SIRPD: variants seen among roughly 807,000 people sequenced by gnomAD.
SIRPD encodes signal-regulatory protein delta.
Under a neutral mutation model 18.0 loss-of-function variants are expected in SIRPD, and 21 were observed. The ratio of observed to expected loss-of-function variants is 1.17; its 90% CI spans 0.83 to 1.68. The LOEUF (loss-of-function observed/expected upper bound fraction) is 1.68, where lower values mean the gene tolerates loss of function less well. SIRPD is among the 40% of genes most tolerant of loss of function. The pLI is 0.00. For synonymous variants in SIRPD, 106 were observed against 92.9 expected (o/e 1.14, Z -0.81); for missense variants, 295 against 238.4 (o/e 1.24, Z -1.56).
intron 2 of SIRPD, among the ~76,000 whole-genome samples, chr20:1,550,109 T>G (rs1000203788): frequency 3.3e-5 from 5 of 152,214 alleles, no homozygotes; most frequent in African/African-American, 9.6e-5. Flanking sequence ...AGAGTCTACC[T>G]GGGTTCCAGT....
intron 2 of SIRPD, chr20:1,540,316 G>A: frequency 2.2e-6 from 1 of 456,046 alleles, no homozygotes; most frequent in South Asian, 1.5e-5. Context: ...CAGACTTCTG[G>A]CTTCTAGAAC....
intron 2 of SIRPD, among the ~76,000 whole-genome samples, chr20:1,545,971 G>A (rs1336276615): frequency 3.3e-5 from 5 of 152,190 alleles, no homozygotes. Context: ...AAAGATTGCT[G>A]CCTGCTCCTT....
Position 1,534,284 on chromosome 20 carries a change from G to T in SIRPD, c.*141C>A. On this transcript the variant is annotated 3_prime_UTR_variant, in exon 4 of 4. Coordinates refer to ENST00000381623, the MANE Select transcript of SIRPD (RefSeq NM_178460.3). ...AGGTAAATAGACAGATTTATTGTACGATCAAGCTGGCATTTTATGTCAGTG... is the reference window on the plus strand; with the variant it reads ...AGGTAAATAGACAGATTTATTGTACTATCAAGCTGGCATTTTATGTCAGTG... 1 of 1,144,166 alleles carries T rather than the reference G, an allele frequency of 8.7e-7. No individual in the cohort carries two copies. Among genetic ancestry groups the T allele is most frequent in the South Asian group, 1.4e-5 (1 of 72,410 alleles). The allele number at this position is 1,144,166 out of a possible 1,614,324, so 70.9% of individuals were successfully genotyped here. A position where few individuals can be genotyped will look rare whatever the true frequency, so the allele number is the denominator to read the frequency against.
chr20:1,547,676 A>G (rs1348408108), intron 2 of SIRPD, among the ~76,000 whole-genome samples: 1 of 152,214 alleles, frequency 6.6e-6, no homozygotes, highest in African/African-American at 2.4e-5. Flanking sequence ...CAATTTCTAC[A>G]AAAAAGTAGG....
chr20:1,537,296 G>A lies in SIRPD; in HGVS notation c.436C>T (p.Pro146Ser), dbSNP rs760681080. The A allele has an allele frequency of 1.2e-6, 2 of 1,613,882 alleles. No homozygotes were observed. Among genetic ancestry groups the A allele is most frequent in the African/African-American group, 1.3e-5 (1 of 74,912 alleles). ...QVFVTEQNPR[P>S]PKNRPAGRAG... ...CTGCCTGCAGGTCTGTTCTTGGGAG[G>A]TCTTGGATTCTGCTCTGCTGAGAGA... The change falls in exon 3 of 4, where the codon CCT becomes TCT. Residue 146 changes from proline to serine, a missense_variant. By Grantham distance (74) the Pro-to-Ser change is moderately conservative. Coordinates refer to ENST00000381623, the MANE Select transcript of SIRPD (RefSeq NM_178460.3).
At chr20:1,540,190 C>A in intron 2 of SIRPD, 1 of 427,320 alleles carries the variant, frequency 2.3e-6, no homozygotes, top group Non-Finnish European at 4.7e-6. Context: ...GCTGACAGGC[C>A]AGGGATGCTG....
chr20:1,557,474 T>G, intron 1 of SIRPD, 107 bp downstream of exon 1: 1 of 1,003,042 alleles, frequency 1.0e-6, no homozygotes, highest in Non-Finnish European at 1.4e-6. Context: ...TGGGATAAGA[T>G]GGAGAAAACC....
At chr20:1,540,217 C>T (rs2090964795) in intron 2 of SIRPD, 2 of 440,132 alleles carry the variant, frequency 4.5e-6, no homozygotes, top group South Asian at 3.2e-5. Flanking sequence ...AACCAGAAGC[C>T]AAAAGAGAAA....
chr20:1,554,286 C>T (rs1462684596), intron 1 of SIRPD: 1 of 152,598 alleles, frequency 6.6e-6, no homozygotes, highest in African/African-American at 2.4e-5. Flanking sequence ...AACTCTTCTT[C>T]TGGAGTTCCT....
Position 1,534,253 on chromosome 20 carries a change from G to A in SIRPD, c.*172C>T. The A allele has an allele frequency of 3.6e-6, 3 of 838,782 alleles. No homozygotes were observed. The highest frequency in any genetic ancestry group is 5.6e-6 in the Non-Finnish European group (3 of 537,490). The allele number at this position is 838,782 out of a possible 1,614,324, so 52.0% of individuals were successfully genotyped here. ...GAAACAGAAGAGAGAACCTGGAATTGGACCCAGGTAAATAGACAGATTTAT... is the reference window on the plus strand; with the variant it reads ...GAAACAGAAGAGAGAACCTGGAATTAGACCCAGGTAAATAGACAGATTTAT... On this transcript the variant is annotated 3_prime_UTR_variant, in exon 4 of 4. Coordinates refer to ENST00000381623, the MANE Select transcript of SIRPD (RefSeq NM_178460.3).
chr20:1,553,082 A>G (rs1210415454), intron 1 of SIRPD, among the ~76,000 whole-genome samples: 1 of 152,232 alleles, frequency 6.6e-6, no homozygotes. Flanking sequence ...GGGGCTGGGC[A>G]TGGAAGTCTC....
chr20:1,552,806 G>T (rs528991772), intron 1 of SIRPD, among the ~76,000 whole-genome samples: 2 of 152,224 alleles, frequency 1.3e-5, no homozygotes, highest in East Asian at 3.9e-4. Context: ...GGAACTCCTG[G>T]CTGGCAGGGC....
At position 1,551,960 on chromosome 20, in the gene SIRPD, C is replaced by A. The variant is rs569155821; in HGVS notation, c.152G>T (p.Cys51Phe). The A allele has an allele frequency of 2.5e-6, 4 of 1,614,050 alleles. No individual in the cohort carries two copies. Among genetic ancestry groups the A allele is most frequent in the East Asian group, 2.2e-5 (1 of 44,874 alleles). Residue 51 changes from cysteine to phenylalanine, a missense_variant, in exon 2 of 4, where the codon TGC becomes TTC. Coordinates refer to ENST00000381623, the MANE Select transcript of SIRPD (RefSeq NM_178460.3). ...VSTGESIILSCSVPNTLPNGP... is the reference protein window; with the variant it reads ...VSTGESIILSFSVPNTLPNGP... ...ATTTGGTAAGGTATTGGGTACGCTG[C>A]AACTCAAGATGATTGACTCCCCAGT...
intron 1 of SIRPD, among the ~76,000 whole-genome samples, chr20:1,552,779 G>C (rs893165820): frequency 3.3e-5 from 5 of 152,122 alleles, no homozygotes; most frequent in Non-Finnish European, 5.9e-5. Flanking sequence ...TGCCTAAGGA[G>C]CAGGTTAGAG....
intron 2 of SIRPD, among the ~76,000 whole-genome samples, chr20:1,543,169 C>T (rs1600065997): frequency 6.6e-6 from 1 of 152,162 alleles, no homozygotes. Context: ...GGAGGAGTCC[C>T]TCTTTTTCTA....
chr20:1,534,261 G>A lies in SIRPD; in HGVS notation c.*164C>T. On this transcript the variant is annotated 3_prime_UTR_variant, in exon 4 of 4. Transcript: ENST00000381623. ...AGAGAGAACCTGGAATTGGACCCAG[G>A]TAAATAGACAGATTTATTGTACGAT... 1.1e-6 allele frequency: 1 copy of A among 947,772 alleles called. No individual in the cohort carries two copies. Among genetic ancestry groups the A allele is most frequent in the Non-Finnish European group, 1.6e-6 (1 of 625,722 alleles). 58.7% of individuals were successfully genotyped at this position (947,772 alleles called of 1,614,324 possible).
chr20:1,534,367 G>T lies in SIRPD; in HGVS notation c.*58C>A, dbSNP rs567117130. On this transcript the variant is annotated 3_prime_UTR_variant, in exon 4 of 4. Coordinates refer to ENST00000381623, the MANE Select transcript of SIRPD (RefSeq NM_178460.3). ...CTCCTAAAAAGTAGCTGTCTCCAGG[G>T]AGTCAGAAGAGTATGGGGGCTTTTG... is the stretch of plus-strand genomic sequence containing the variant. 3.1e-6 allele frequency: 5 copies of T among 1,605,774 alleles called. No homozygotes were observed. The East Asian group carries it at 8.9e-5, about 29-fold the overall frequency.
At chr20:1,538,766 C>T (rs1269435071) in intron 2 of SIRPD, among the ~76,000 whole-genome samples, 1 of 152,182 alleles carries the variant, frequency 6.6e-6, no homozygotes. Context: ...CATTATCAAT[C>T]ATCAGACATG....
At chr20:1,546,363 A>T (rs550259617) in intron 2 of SIRPD, among the ~76,000 whole-genome samples, 2 of 152,298 alleles carry the variant, frequency 1.3e-5, no homozygotes, top group South Asian at 4.1e-4. Flanking sequence ...TTGTGATTTT[A>T]TTCTTTAACT....
Sources: gnomAD v4.1 joint callset for allele counts (sites outside exome capture counted in the v4.1 genomes callset) on GRCh38, gnomAD v4.1.1 for gene constraint, MANE v1.5 for transcripts, NCBI Gene and HGNC (gene_info 2026-07-23, HGNC 2026-07-21) for gene names.